Variants in KLF12 observed in about 807,000 individuals in gnomAD.
The protein encoded by KLF12 is KLF transcription factor 12.
In KLF12, 9 loss-of-function variants were observed where a neutral mutation model predicts 37.8. That is an observed-to-expected ratio of 0.24 (90% confidence interval 0.14 to 0.42). The LOEUF is 0.42. Among genes scored for constraint, KLF12 ranks in the 10% least tolerant of loss-of-function variants. The pLI is 1.00. For missense variants in KLF12, 411 were observed against 516.0 expected (o/e 0.80, Z 1.97); for synonymous variants, 208 against 202.1 (o/e 1.03, Z -0.25).
intron 4 of KLF12, among the ~76,000 whole-genome samples, chr13:73,830,234 C>A (rs911640608): frequency 6.6e-6 from 1 of 152,124 alleles, no homozygotes; most frequent in Non-Finnish European, 1.5e-5. Flanking sequence ...GGGTAATGAT[C>A]TACTATAACC....
chr13:73,764,702 T>C (rs963391536), intron 6 of KLF12, among the ~76,000 whole-genome samples: 11 of 151,988 alleles, frequency 7.2e-5, no homozygotes, highest in Middle Eastern at 3.2e-3. Context: ...ACTTAGATCA[T>C]ATCTGTCAAA....
At chr13:73,859,191 C>A (rs1885777616) in intron 3 of KLF12, among the ~76,000 whole-genome samples, 1 of 152,144 alleles carries the variant, frequency 6.6e-6, no homozygotes, top group Non-Finnish European at 1.5e-5. Context: ...CAGCAGCTTT[C>A]CAGGTTCACA....
At chr13:73,761,435 T>C (rs930708885) in intron 6 of KLF12, among the ~76,000 whole-genome samples, 1 of 152,130 alleles carries the variant, frequency 6.6e-6, no homozygotes, top group Admixed American at 6.5e-5. Context: ...GAGACAACTC[T>C]CCTGTATCAA....
At chr13:74,291,582 T>G in the KLF12 span, among the ~76,000 whole-genome samples, 140 of 152,322 alleles carry the variant, frequency 9.2e-4, 1 homozygote, top group Non-Finnish European at 1.2e-3. Flanking sequence ...GGGCTGTATA[T>G]TAAATGCTCC....
the KLF12 span, among the ~76,000 whole-genome samples, chr13:74,237,724 C>T: frequency 1.3e-5 from 2 of 152,258 alleles, no homozygotes; most frequent in East Asian, 3.9e-4. Flanking sequence ...GGAGTTCACT[C>T]ATGATTTGGC....
At chr13:73,893,947 A>T (rs370476537) in intron 3 of KLF12, among the ~76,000 whole-genome samples, 1 of 152,182 alleles carries the variant, frequency 6.6e-6, no homozygotes, top group South Asian at 2.1e-4. Context: ...AGACAATGTT[A>T]TCAGAATTCA....
At chr13:73,754,955 A>G (rs1378582107) in intron 6 of KLF12, among the ~76,000 whole-genome samples, 1 of 152,162 alleles carries the variant, frequency 6.6e-6, no homozygotes, top group Non-Finnish European at 1.5e-5. Flanking sequence ...TTTGTCTCCT[A>G]CCTTTAATAC....
the KLF12 span, among the ~76,000 whole-genome samples, chr13:74,198,162 G>A: frequency 6.6e-6 from 1 of 152,134 alleles, no homozygotes; most frequent in Admixed American, 6.6e-5. Context: ...CAAGAGGAGA[G>A]AGTGGAGAGT....
At chr13:74,252,791 T>C in the KLF12 span, among the ~76,000 whole-genome samples, 1 of 152,178 alleles carries the variant, frequency 6.6e-6, no homozygotes, top group Non-Finnish European at 1.5e-5. Context: ...CATTCTTCCT[T>C]TTCTTCCTTC....
At chr13:74,109,127 A>G (rs549013028) in intron 1 of KLF12, among the ~76,000 whole-genome samples, 31 of 150,926 alleles carry the variant, frequency 2.1e-4, no homozygotes, top group African/African-American at 7.2e-4. Flanking sequence ...CAAATATTTG[A>G]AAAAAAGTTG....
chr13:74,073,896 G>T (rs1874417835), intron 1 of KLF12, among the ~76,000 whole-genome samples: 1 of 152,190 alleles, frequency 6.6e-6, no homozygotes, highest in Non-Finnish European at 1.5e-5. Flanking sequence ...AATGCCAATA[G>T]TAACAGCAAA....
chr13:73,891,173 G>GTAAT, intron 3 of KLF12, among the ~76,000 whole-genome samples: 1 of 152,062 alleles, frequency 6.6e-6, no homozygotes, highest in South Asian at 2.1e-4. Flanking sequence ...AACATTAGAA[G>GTAAT]TAATGCACAT....
chr13:74,049,854 T>C (rs1310089411), intron 1 of KLF12, among the ~76,000 whole-genome samples: 1 of 152,194 alleles, frequency 6.6e-6, no homozygotes, highest in Non-Finnish European at 1.5e-5. Context: ...AGTTCTGCAA[T>C]AGTATCTTTG....
chr13:73,826,052 A>T lies in KLF12; in HGVS notation c.671-12765T>A, dbSNP rs192335244. Reference sequence around the variant, plus strand: ...CATTGGGACGATCTCGGCTCACTGCAAGCTCCGCCTCCTGGGTTCACGCTA... The same window carrying T: ...CATTGGGACGATCTCGGCTCACTGCTAGCTCCGCCTCCTGGGTTCACGCTA... On this transcript the variant is annotated intron_variant, in intron 4 of 7. Transcript: ENST00000377669. Among the ~76,000 whole-genome samples the T allele has an allele frequency of 1.6e-4, 24 of 151,940 alleles. 1 individual carries two copies. Among genetic ancestry groups the T allele is most frequent in the African/African-American group, 5.8e-4 (24 of 41,416 alleles).
chr13:74,227,703 A>C, the KLF12 span, among the ~76,000 whole-genome samples: 1 of 152,134 alleles, frequency 6.6e-6, no homozygotes, highest in African/African-American at 2.4e-5. Flanking sequence ...AAAGTGGAAA[A>C]TATTAGGAGA....
intron 7 of KLF12, among the ~76,000 whole-genome samples, chr13:73,695,976 A>G (rs1874117085): frequency 6.6e-6 from 1 of 152,184 alleles, no homozygotes; most frequent in African/African-American, 2.4e-5. Context: ...GACTAAAAAG[A>G]AATTACTAAA....
chr13:73,841,837 G>T (rs985173278), intron 4 of KLF12, among the ~76,000 whole-genome samples: 1 of 152,102 alleles, frequency 6.6e-6, no homozygotes, highest in African/African-American at 2.4e-5. Context: ...TTGTCCTTAG[G>T]TATCAAGTGG....
At chr13:74,291,398 G>A in the KLF12 span, among the ~76,000 whole-genome samples, 3 of 152,354 alleles carry the variant, frequency 2.0e-5, no homozygotes, top group African/African-American at 7.2e-5. Flanking sequence ...AGTGTTGGTA[G>A]TGATCTTAAG....
intron 7 of KLF12, among the ~76,000 whole-genome samples, chr13:73,701,161 TG>T (rs1300746607): frequency 7.2e-5 from 11 of 152,200 alleles, no homozygotes; most frequent in Non-Finnish European, 1.5e-4. Flanking sequence ...AAGAGTTGGC[TG>T]GGACAATAAA....
Sources: allele counts gnomAD v4.1 joint callset (sites outside exome capture counted in the v4.1 genomes callset), GRCh38; gene constraint gnomAD v4.1.1; transcripts MANE v1.5; gene names NCBI Gene and HGNC (gene_info 2026-07-23, HGNC 2026-07-21).